Variants in DDX10 observed in about 807,000 individuals in gnomAD.
DDX10 encodes DEAD-box helicase 10, also known as probable ATP-dependent RNA helicase DDX10.
A neutral mutation model predicts 104.3 loss-of-function variants in DDX10; 74 were observed. The observed-to-expected ratio is 0.71, with a 90% CI of 0.59 to 0.86. The LOEUF (loss-of-function observed/expected upper bound fraction) is 0.86. Ranked by LOEUF, DDX10 falls within the 40% of genes least tolerant of loss-of-function variation. The probability of loss-of-function intolerance (pLI) is 0.00; values close to 1 mark genes in which losing one functional copy is unlikely to be tolerated. For synonymous variants in DDX10, 351 were observed against 353.4 expected, an observed-to-expected ratio of 0.99 and a Z score of 0.08; for missense variants, 952 against 1,040.0, an observed-to-expected ratio of 0.92 and a Z score of 1.16.
chr11:108,860,148 T>C (rs1249496634), intron 16 of DDX10, among the ~76,000 whole-genome samples: 2 of 152,182 alleles, frequency 1.3e-5, no homozygotes, highest in Non-Finnish European at 2.9e-5. Context: ...CAAGAATCTG[T>C]GTGGGTTTTC....
At chr11:108,844,471 A>C (rs1173232572) in intron 15 of DDX10, among the ~76,000 whole-genome samples, 1 of 152,220 alleles carries the variant, frequency 6.6e-6, no homozygotes, top group Non-Finnish European at 1.5e-5. Context: ...ATGGGCACTC[A>C]AATCATTTAT....
rs760683728 is a variant in DDX10 at position 108,679,593 on chromosome 11, T to G, written c.848+33T>G. Reference sequence around the variant, plus strand: ...CTCTTTGAGTCAATCAAGATAAATGTTTTTTACTTTTTTAGTTTAGGGATT... The same window carrying G: ...CTCTTTGAGTCAATCAAGATAAATGGTTTTTACTTTTTTAGTTTAGGGATT... On this transcript the variant is annotated intron_variant, in intron 6 of 17. Transcript: ENST00000322536. 5 of 1,442,714 alleles carry G rather than the reference T, an allele frequency of 3.5e-6. No individual in the cohort carries two copies. In the African/African-American group the frequency reaches 7.2e-5, roughly 21 times the overall value. The allele number at this position is 1,442,714 out of a possible 1,614,324, so 89.4% of individuals were successfully genotyped here.
At chr11:108,815,860 G>A (rs1862248018) in intron 13 of DDX10, among the ~76,000 whole-genome samples, 1 of 152,260 alleles carries the variant, frequency 6.6e-6, no homozygotes, top group African/African-American at 2.4e-5. Flanking sequence ...GAAAGTCAGA[G>A]GATGAGGAAG....
In DDX10 at chr11:108,800,275, C is replaced by CAA. The variant is rs5794604; in HGVS notation, c.1966-38152_1966-38151dup. Among the ~76,000 whole-genome samples, 1,050 of 106,192 alleles carry CAA rather than the reference C, an allele frequency of 9.9e-3. 12 individuals carry two copies. Among genetic ancestry groups the CAA allele is most frequent in the African/African-American group, 0.037 (998 of 27,302 alleles). The allele number at this position is 106,192 out of a possible 152,430, so 69.7% of individuals were successfully genotyped here. ...TGAAACCCTGTCTTTACTAAAAATA[C>CAA]AAAAAAAAAAAAAAAAAAAATTAGC... On this transcript the variant is annotated intron_variant, in intron 13 of 17. Coordinates refer to ENST00000322536, the MANE Select transcript of DDX10 (RefSeq NM_004398.4).
At chr11:108,850,312 T>C (rs1862773369) in intron 15 of DDX10, among the ~76,000 whole-genome samples, 1 of 152,166 alleles carries the variant, frequency 6.6e-6, no homozygotes, top group Non-Finnish European at 1.5e-5. Context: ...TGAATTAATA[T>C]TGGAATTCAG....
intron 16 of DDX10, among the ~76,000 whole-genome samples, chr11:108,893,190 G>A (rs1037416863): frequency 6.6e-6 from 1 of 152,060 alleles, no homozygotes; most frequent in African/African-American, 2.4e-5. Context: ...ATGTATAGTA[G>A]CTTCTTAATA....
At chr11:108,686,916 C>T (rs1404629110) in intron 6 of DDX10, among the ~76,000 whole-genome samples, 1 of 152,062 alleles carries the variant, frequency 6.6e-6, no homozygotes, top group Non-Finnish European at 1.5e-5. Flanking sequence ...TCCCAAGTAG[C>T]TGGGACTACA....
intron 13 of DDX10, among the ~76,000 whole-genome samples, chr11:108,788,983 A>G (rs905973010): frequency 5.3e-5 from 8 of 152,150 alleles, no homozygotes; most frequent in African/African-American, 1.9e-4. Context: ...TCTCTCAGGC[A>G]GGGGCAGATA....
intron 13 of DDX10, among the ~76,000 whole-genome samples, chr11:108,727,219 G>C (rs1203198941): frequency 6.6e-6 from 1 of 151,862 alleles, no homozygotes; most frequent in Non-Finnish European, 1.5e-5. Flanking sequence ...CATGTTGATC[G>C]TTGCCCTACT....
chr11:108,685,667 C>A (rs890641297), intron 6 of DDX10, among the ~76,000 whole-genome samples: 1 of 152,140 alleles, frequency 6.6e-6, no homozygotes, highest in African/African-American at 2.4e-5. Flanking sequence ...AGTGGACAGG[C>A]CTTTTTAAAA....
In DDX10 at chr11:108,918,002, A is replaced by G. The variant is rs1413217941; in HGVS notation, c.2434A>G (p.Met812Val). ...RSSEDSDSED[M>V]ENKISDTKKK... ...CTCTGAAGATTCAGATAGTGAAGAT[A>G]TGGAAAATAAAATAAGGTATGTTTT... The change falls in exon 17 of 18, where the codon ATG (methionine) becomes GTG (valine). Residue 812 changes from methionine to valine, a missense_variant. Coordinates refer to ENST00000322536, the MANE Select transcript of DDX10 (RefSeq NM_004398.4). The G allele has an allele frequency of 2.5e-6, 4 of 1,613,690 alleles. No individual in the cohort carries two copies. The highest frequency in any genetic ancestry group is 1.3e-5 in the African/African-American group (1 of 74,928).
intron 16 of DDX10, among the ~76,000 whole-genome samples, chr11:108,916,819 AT>A (rs1863757079): frequency 6.6e-6 from 1 of 152,148 alleles, no homozygotes; most frequent in Admixed American, 6.5e-5. Flanking sequence ...AATAAGTTTA[AT>A]TTTGCATTAG....
chr11:108,795,743 G>A (rs1861932643), intron 13 of DDX10, among the ~76,000 whole-genome samples: 1 of 152,030 alleles, frequency 6.6e-6, no homozygotes, highest in Non-Finnish European at 1.5e-5. Context: ...GTCTCTCATT[G>A]ATGGACATTT....
At chr11:108,861,402 A>G (rs1422600894) in intron 16 of DDX10, among the ~76,000 whole-genome samples, 1 of 152,130 alleles carries the variant, frequency 6.6e-6, no homozygotes, top group African/African-American at 2.4e-5. Flanking sequence ...TCACTGTCAG[A>G]GACTAGAAAT....
chr11:108,760,382 C>A (rs1180539508), intron 13 of DDX10, among the ~76,000 whole-genome samples: 1 of 151,996 alleles, frequency 6.6e-6, no homozygotes, highest in Non-Finnish European at 1.5e-5. Context: ...CATGGAAATG[C>A]TAAATTCTTT....
intron 13 of DDX10, among the ~76,000 whole-genome samples, chr11:108,750,982 A>T (rs956822457): frequency 1.2e-5 from 1 of 85,204 alleles, no homozygotes; most frequent in African/African-American, 4.2e-5. Context: ...GGCTTTCACT[A>T]TGTTGCCCAT....
At position 108,665,268 on chromosome 11, in the gene DDX10, A is replaced by G. The variant is rs778437547; in HGVS notation, c.115A>G (p.Lys39Glu). Residue 39 changes from lysine (K) to glutamate (E), a missense_variant, in exon 1 of 18, where the codon AAG becomes GAG. Transcript: ENST00000322536. ...HRQNKKKQLR[K>E]QLKKPEWQVE... ...GCAGAACAAAAAGAAGCAGTTGAGG[A>G]AGCAACTGAAGAAACCCGAATGGCA... is the stretch of plus-strand genomic sequence containing the variant. The G allele has an allele frequency of 6.2e-7, 1 of 1,609,688 alleles. No individual in the cohort carries two copies. Among genetic ancestry groups the G allele is most frequent in the Non-Finnish European group, 8.5e-7 (1 of 1,178,272 alleles).
chr11:108,922,443 T>C (rs1372028892), intron 17 of DDX10, among the ~76,000 whole-genome samples: 1 of 152,128 alleles, frequency 6.6e-6, no homozygotes, highest in African/African-American at 2.4e-5. Flanking sequence ...TTGACACATA[T>C]AAATATTCAG....
At chr11:108,848,462 T>C (rs1862748270) in intron 15 of DDX10, among the ~76,000 whole-genome samples, 1 of 152,196 alleles carries the variant, frequency 6.6e-6, no homozygotes, top group Admixed American at 6.5e-5. Context: ...ATCCTTTTCA[T>C]GACAACCCTT....
Sources: gnomAD v4.1 joint callset for allele counts (sites outside exome capture counted in the v4.1 genomes callset) on GRCh38, gnomAD v4.1.1 for gene constraint, MANE v1.5 for transcripts, NCBI Gene and HGNC (gene_info 2026-07-23, HGNC 2026-07-21) for gene names.